SP3: variants seen among roughly 807,000 people sequenced by gnomAD.
SP3 encodes Sp3 transcription factor, also known as transcription factor Sp3.
In SP3, 10 loss-of-function variants were observed where a neutral mutation model predicts 70.3. The observed-to-expected ratio is 0.14, with a 90% CI of 0.09 to 0.24. The LOEUF (loss-of-function observed/expected upper bound fraction) is 0.24. SP3 is among the 10% of genes least tolerant of loss of function. The probability of loss-of-function intolerance (pLI) is 1.00; values close to 1 mark genes in which losing one functional copy is unlikely to be tolerated. For missense variants in SP3, 825 were observed against 914.6 expected, an observed-to-expected ratio of 0.90 and a Z score of 1.26; for synonymous variants, 402 against 333.5, an observed-to-expected ratio of 1.21 and a Z score of -2.24.
In SP3 at chr2:173,902,573, T is replaced by C. The variant is rs1025174803; in HGVS notation, c.*7368A>G. On this transcript the variant is annotated 3_prime_UTR_variant, in exon 7 of 7. Coordinates refer to ENST00000310015, the MANE Select transcript of SP3 (RefSeq NM_003111.5). Reference sequence around the variant, plus strand: ...AGTCAAAAATTGGAAATAACTGAGATGCTCATCAAGAAGAAAATGGATACA... The same window carrying C: ...AGTCAAAAATTGGAAATAACTGAGACGCTCATCAAGAAGAAAATGGATACA... 4.6e-5 allele frequency among the ~76,000 whole-genome samples: 7 copies of C among 152,200 alleles called. No individual in the cohort carries two copies. The highest frequency in any genetic ancestry group is 1.7e-4 in the African/African-American group (7 of 41,458).
rs1218903289 is a variant in SP3, at chr2:173,955,697, A to G, written c.815T>C (p.Val272Ala). Reference sequence around the variant, plus strand: ...CGAGAGTCCCAAAGAATCTAGATCGACACTATTGATTGGTACAAACGTAAT... The same window carrying G: ...CGAGAGTCCCAAAGAATCTAGATCGGCACTATTGATTGGTACAAACGTAAT... ...GNITFVPINS[V>A]DLDSLGLSGS... is the part of the protein sequence containing the mutation. Residue 272 changes from valine (V) to alanine (A), a missense_variant, in exon 4 of 7, where the codon GTC (valine) becomes GCC (alanine). This residue lies in a region of SP3 where 678 missense variants were observed against 651.6 expected (regional missense o/e 1.04). Transcript: ENST00000310015. 1 of 1,614,116 alleles carries G rather than the reference A, an allele frequency of 6.2e-7. No homozygotes were observed. Among genetic ancestry groups the G allele is most frequent in the African/African-American group, 1.3e-5 (1 of 74,938 alleles).
intron 4 of SP3, among the ~76,000 whole-genome samples, chr2:173,946,363 T>TAA (rs200689951): frequency 1.3e-5 from 2 of 152,096 alleles, no homozygotes; most frequent in Non-Finnish European, 2.9e-5. Flanking sequence ...AAGCTGGTCT[T>TAA]AAACTCCTGG....
chr2:173,939,501 T>C lies in SP3; in HGVS notation c.1639+15372A>G, dbSNP rs187546880. Among the ~76,000 whole-genome samples the C allele has an allele frequency of 6.5e-3, 988 of 152,208 alleles. 17 individuals are homozygous for C. The highest frequency in any genetic ancestry group is 0.038 in the East Asian group (199 of 5,184). On this transcript the variant is annotated intron_variant, in intron 4 of 6. Coordinates refer to ENST00000310015, the MANE Select transcript of SP3 (RefSeq NM_003111.5). ...ACATCTGGCCAGGCACGGTGGCTCA[T>C]GCCTGTAATCCCAGCACTTTGGGAG...
chr2:173,946,201 T>C (rs58791391), intron 4 of SP3, among the ~76,000 whole-genome samples: 5,442 of 152,180 alleles, frequency 0.036, 162 homozygotes, highest in Admixed American at 0.1. Context: ...GAAACAAGAA[T>C]AGCAGGGTGT....
At chr2:173,960,382 A>G (rs1251030115) in intron 3 of SP3, among the ~76,000 whole-genome samples, 2 of 152,224 alleles carry the variant, frequency 1.3e-5, no homozygotes, top group African/African-American at 2.4e-5. Context: ...AGGAAGGAGT[A>G]TAACTGGAAA....
At chr2:173,943,045 G>C (rs1051074892) in intron 4 of SP3, among the ~76,000 whole-genome samples, 1 of 152,058 alleles carries the variant, frequency 6.6e-6, no homozygotes, top group Non-Finnish European at 1.5e-5. Context: ...ATATTCTAGG[G>C]GGTGTAGGGA....
At chr2:173,934,779 C>CA (rs1690166671) in intron 4 of SP3, among the ~76,000 whole-genome samples, 1 of 152,126 alleles carries the variant, frequency 6.6e-6, no homozygotes, top group South Asian at 2.1e-4. Flanking sequence ...CCTTCAAGGT[C>CA]AAAAGCTTTG....
At chr2:173,965,481 G>A (rs898943723), upstream of SP3, 9 of 342,344 alleles carry the variant, frequency 2.6e-5, no homozygotes, top group Non-Finnish European at 4.3e-5. Flanking sequence ...GCCAGGCGGC[G>A]CGCTTCCTGT....
chr2:173,956,961 A>C (rs764335333), intron 3 of SP3, among the ~76,000 whole-genome samples: 4 of 152,174 alleles, frequency 2.6e-5, no homozygotes, highest in Non-Finnish European at 4.4e-5. Context: ...GTATTAATAC[A>C]ATTTGAGGGA....
chr2:173,962,326 G>C (rs756952738), intron 3 of SP3, among the ~76,000 whole-genome samples: 3 of 152,078 alleles, frequency 2.0e-5, no homozygotes, highest in African/African-American at 7.2e-5. Flanking sequence ...ATACAAAAAA[G>C]ATCAGGAGAA....
chr2:173,960,469 G>A (rs1691033464), intron 3 of SP3, among the ~76,000 whole-genome samples: 1 of 152,146 alleles, frequency 6.6e-6, no homozygotes, highest in South Asian at 2.1e-4. Context: ...AATCTTCAAA[G>A]AGCACTAAAA....
In SP3 at chr2:173,901,742, C is replaced by T. The variant is rs190968060; in HGVS notation, c.*8199G>A. ...TTTGAGACGAAATCTTGCTCTGTCG[C>T]CCAGGCTGGAGTGCAGTGGTGCAAT... On this transcript the variant is annotated 3_prime_UTR_variant, in exon 7 of 7. Coordinates refer to ENST00000310015, the MANE Select transcript of SP3 (RefSeq NM_003111.5). Among the ~76,000 whole-genome samples, 538 of 147,448 alleles carry T rather than the reference C, an allele frequency of 3.6e-3. 2 individuals are homozygous for T. The highest frequency in any genetic ancestry group is 4.9e-3 in the Non-Finnish European group (331 of 67,100).
At chr2:173,920,521 T>G (rs902385193) in intron 4 of SP3, among the ~76,000 whole-genome samples, 1 of 152,158 alleles carries the variant, frequency 6.6e-6, no homozygotes, top group African/African-American at 2.4e-5. Flanking sequence ...AGGGTATGCA[T>G]GTGCAGGGGC....
chr2:173,916,124 CAT>C lies in SP3; in HGVS notation c.1832+2467_1832+2468del, dbSNP rs1255374174. 9 of 152,162 alleles carry C rather than the reference CAT, an allele frequency of 5.9e-5. No individual in the cohort carries two copies. The South Asian group carries it at 1.5e-3, about 25-fold the overall frequency. 9.4% of individuals were successfully genotyped at this position (152,162 alleles called of 1,614,324 possible). A position where few individuals can be genotyped will look rare whatever the true frequency, so the allele number is the denominator to read the frequency against. On this transcript the variant is annotated intron_variant, in intron 5 of 6. Transcript: ENST00000310015. Reference sequence around the variant, plus strand: ...CATTTATACAAGTGTGTCTATCACACATATACTGCTTGAATTTTGTTCAAACA... The same window carrying C: ...CATTTATACAAGTGTGTCTATCACACATACTGCTTGAATTTTGTTCAAACA...
chr2:173,943,689 T>C lies in SP3; in HGVS notation c.1639+11184A>G, dbSNP rs144790314. ...AAAGTATTGTATTTGCTTATTTGTCTTCATCCACTAGAATACAAGATTCAT... is the reference window on the plus strand; with the variant it reads ...AAAGTATTGTATTTGCTTATTTGTCCTCATCCACTAGAATACAAGATTCAT... On this transcript the variant is annotated intron_variant, in intron 4 of 6. Transcript: ENST00000310015. Among the ~76,000 whole-genome samples, 570 of 152,328 alleles carry C rather than the reference T, an allele frequency of 3.7e-3. 5 individuals are homozygous for C. Among genetic ancestry groups the C allele is most frequent in the African/African-American group, 0.013 (540 of 41,572 alleles).
chr2:173,940,001 G>C (rs549169653), intron 4 of SP3, among the ~76,000 whole-genome samples: 1 of 152,148 alleles, frequency 6.6e-6, no homozygotes, highest in African/African-American at 2.4e-5. Flanking sequence ...GCCTCTCTGA[G>C]CAGACAGGAC....
At chr2:173,915,223 C>A (rs1046873174) in intron 5 of SP3, 4 of 151,970 alleles carry the variant, frequency 2.6e-5, no homozygotes, top group Non-Finnish European at 4.4e-5. Context: ...ATGGGACAGG[C>A]ATCTAGGAAA....
rs73972417 is a variant in SP3 at position 173,951,893 on chromosome 2, A to G, written c.1639+2980T>C. ...CACTGAACTATCATACAGATCTTCC[A>G]AGTGTTAGCACATTACATTAAAATA... On this transcript the variant is annotated intron_variant, in intron 4 of 6. Transcript: ENST00000310015. Among the ~76,000 whole-genome samples, 951 of 152,344 alleles carry G rather than the reference A, an allele frequency of 6.2e-3. 7 individuals carry two copies. Among genetic ancestry groups the G allele is most frequent in the African/African-American group, 0.022 (902 of 41,576 alleles).
chr2:173,935,158 CAGG>C (rs1690174540), intron 4 of SP3, among the ~76,000 whole-genome samples: 1 of 152,108 alleles, frequency 6.6e-6, no homozygotes, highest in South Asian at 2.1e-4. Context: ...TGACTGAGCC[CAGG>C]AGGTTCGGGG....
Sources: gnomAD v4.1 joint callset for allele counts (sites outside exome capture counted in the v4.1 genomes callset) on GRCh38, gnomAD v4.1.1 for gene constraint, gnomAD v4.1.1 regional missense constraint, MANE v1.5 for transcripts, NCBI Gene and HGNC (gene_info 2026-07-23, HGNC 2026-07-21) for gene names.